RIMS1: variants seen among roughly 807,000 people sequenced by gnomAD.
RIMS1 encodes the protein regulating synaptic membrane exocytosis protein 1.
In RIMS1, 83 loss-of-function variants were observed where a neutral mutation model predicts 214.1. The ratio of observed to expected loss-of-function variants is 0.39; its 90% confidence interval spans 0.32 to 0.47. The LOEUF (loss-of-function observed/expected upper bound fraction) is 0.47. Ranked by LOEUF, RIMS1 falls within the 20% of genes least tolerant of loss-of-function variation. The pLI is 0.99. For missense variants in RIMS1, 2,050 were observed against 2,161.8 expected, an observed-to-expected ratio of 0.95 and a Z score of 1.03; for synonymous variants, 793 against 786.8, an observed-to-expected ratio of 1.01 and a Z score of -0.13.
intron 1 of RIMS1, among the ~76,000 whole-genome samples, chr6:71,957,618 T>G (rs1791664975): frequency 6.6e-6 from 1 of 150,476 alleles, no homozygotes; most frequent in African/African-American, 2.5e-5. Context: ...CCAGGGTTAA[T>G]TAGAACTCTG....
intron 2 of RIMS1, among the ~76,000 whole-genome samples, chr6:72,083,697 G>A (rs1833965823): frequency 6.6e-6 from 1 of 152,116 alleles, no homozygotes; most frequent in African/African-American, 2.4e-5. Flanking sequence ...TATTTATTGA[G>A]CTTTTACCAT....
chr6:72,151,651 C>T (rs572548993), intron 4 of RIMS1, among the ~76,000 whole-genome samples: 1 of 152,040 alleles, frequency 6.6e-6, no homozygotes, highest in Non-Finnish European at 1.5e-5. Flanking sequence ...TTTTCTGTAA[C>T]CAAGAAAAGG....
intron 2 of RIMS1, among the ~76,000 whole-genome samples, chr6:72,044,518 A>G (rs1161050889): frequency 1.3e-5 from 2 of 151,858 alleles, no homozygotes; most frequent in East Asian, 1.9e-4. Flanking sequence ...TAACTAAATA[A>G]TAAGACAGCA....
At chr6:72,228,632 CA>C (rs1335130260) in intron 6 of RIMS1, among the ~76,000 whole-genome samples, 2 of 151,854 alleles carry the variant, frequency 1.3e-5, no homozygotes, top group Non-Finnish European at 2.9e-5. Flanking sequence ...CATGGGAATG[CA>C]GATATATCTT....
rs534143063 is a variant in RIMS1 at position 72,328,052 on chromosome 6, A to G, written c.4131-5548A>G. 3.3e-5 allele frequency among the ~76,000 whole-genome samples: 5 copies of G among 152,066 alleles called. No homozygotes were observed. In the South Asian group the frequency reaches 1.0e-3, roughly 32 times the overall value. On this transcript the variant is annotated intron_variant, in intron 28 of 33. Coordinates refer to ENST00000521978, the MANE Select transcript of RIMS1 (RefSeq NM_014989.7). ...TTCACAATAGCAAAGACTTGGAACC[A>G]ACCCAAATGCCAATCAGTGATAGAC...
chr6:71,911,184 G>T (rs935042196), intron 1 of RIMS1, among the ~76,000 whole-genome samples: 1 of 152,068 alleles, frequency 6.6e-6, no homozygotes, highest in Non-Finnish European at 1.5e-5. Context: ...AGATTCCATT[G>T]TTGGCTTATG....
In RIMS1 at chr6:72,121,318, T is replaced by C. The variant is rs922075496; in HGVS notation, c.471+21332T>C. Among the ~76,000 whole-genome samples, 4 of 151,998 alleles carry C rather than the reference T, an allele frequency of 2.6e-5. 1 individual carries two copies. The highest frequency in any genetic ancestry group is 6.8e-3 in the Middle Eastern group (2 of 294). ...GTTGTTCCATTTGTTTGTGTCCTCT[T>C]TTATTTCGTTGAGCAGTGGTTTGCA... is the stretch of plus-strand genomic sequence containing the variant. On this transcript the variant is annotated intron_variant, in intron 4 of 33. Transcript: ENST00000521978.
At chr6:71,912,772 A>G (rs1017635600) in intron 1 of RIMS1, among the ~76,000 whole-genome samples, 7 of 152,190 alleles carry the variant, frequency 4.6e-5, no homozygotes, top group African/African-American at 1.7e-4. Context: ...ATATTGCCCA[A>G]TAGAAAAATC....
At chr6:71,924,648 A>AAAAAAAAAAAAAAAG (rs1781028673) in intron 1 of RIMS1, among the ~76,000 whole-genome samples, 4 of 149,710 alleles carry the variant, frequency 2.7e-5, no homozygotes, top group African/African-American at 1.0e-4. Flanking sequence ...AAAAAAAAAA[A>AAAAAAAAAAAAAAAG]TGCAGAAAAT....
intron 2 of RIMS1, among the ~76,000 whole-genome samples, chr6:72,079,950 A>G (rs781459967): frequency 1.3e-4 from 20 of 151,730 alleles, no homozygotes; most frequent in Non-Finnish European, 2.2e-4. Context: ...TTAAAAAACA[A>G]AACGGGCTGA....
chr6:71,966,484 T>C (rs1203800866), intron 1 of RIMS1, among the ~76,000 whole-genome samples: 1 of 152,300 alleles, frequency 6.6e-6, no homozygotes, highest in Non-Finnish European at 1.5e-5. Context: ...TAGACAAGAA[T>C]TTTCTTACAA....
At chr6:72,036,379 A>C (rs938112073) in intron 2 of RIMS1, among the ~76,000 whole-genome samples, 10 of 152,134 alleles carry the variant, frequency 6.6e-5, no homozygotes. Flanking sequence ...TCTTCACAGA[A>C]CTGTTTGTAT....
chr6:72,196,945 GAC>G, intron 6 of RIMS1, among the ~76,000 whole-genome samples: 1 of 152,104 alleles, frequency 6.6e-6, no homozygotes, highest in Non-Finnish European at 1.5e-5. Flanking sequence ...AGTATTTGTT[GAC>G]ACACACTTTT....
intron 2 of RIMS1, among the ~76,000 whole-genome samples, chr6:72,092,817 C>G (rs1836661667): frequency 1.3e-5 from 2 of 152,036 alleles, no homozygotes; most frequent in South Asian, 4.1e-4. Flanking sequence ...CCAAGATCCC[C>G]CATGGAGAAA....
chr6:72,305,863 T>C (rs1323389517), intron 26 of RIMS1, among the ~76,000 whole-genome samples: 2 of 152,168 alleles, frequency 1.3e-5, no homozygotes, highest in Admixed American at 6.6e-5. Context: ...AGATTGGTTA[T>C]CTAATTTGCT....
rs201160302 is a variant in RIMS1 at position 72,251,443 on chromosome 6, TG to T, written c.2698+76del. Reference sequence around the variant, plus strand: ...CTAATTAGTGATTAATAATTCAAGATGTTTTTTTTAAATGTTTTATTAGAGA... The same window carrying T: ...CTAATTAGTGATTAATAATTCAAGATTTTTTTTTAAATGTTTTATTAGAGA... On this transcript the variant is annotated intron_variant, in intron 15 of 33. Coordinates refer to ENST00000521978, the MANE Select transcript of RIMS1 (RefSeq NM_014989.7). The T allele has an allele frequency of 6.6e-3, 7,962 of 1,206,476 alleles. 40 individuals are homozygous for T. The highest frequency in any genetic ancestry group is 0.028 in the Middle Eastern group (142 of 5,104). 74.7% of individuals were successfully genotyped at this position (1,206,476 alleles called of 1,614,324 possible). A position where few individuals can be genotyped will look rare whatever the true frequency, so the allele number is the denominator to read the frequency against.
At chr6:72,005,909 G>GAAGT (rs1807379780) in intron 2 of RIMS1, among the ~76,000 whole-genome samples, 1 of 152,184 alleles carries the variant, frequency 6.6e-6, no homozygotes, top group African/African-American at 2.4e-5. Context: ...TGGAAAGACT[G>GAAGT]AAGTCTTAGT....
chr6:71,916,743 T>A (rs1464711394), intron 1 of RIMS1, among the ~76,000 whole-genome samples: 1 of 152,198 alleles, frequency 6.6e-6, no homozygotes, highest in African/African-American at 2.4e-5. Context: ...ACTTGATTCA[T>A]AGGCAGACTT....
At chr6:71,988,268 A>G (rs1037061608) in intron 2 of RIMS1, among the ~76,000 whole-genome samples, 1 of 152,130 alleles carries the variant, frequency 6.6e-6, no homozygotes, top group Non-Finnish European at 1.5e-5. Context: ...CACCAGCTTT[A>G]CTGAGTCTGA....
Sources: allele counts gnomAD v4.1 joint callset (sites outside exome capture counted in the v4.1 genomes callset), GRCh38; gene constraint gnomAD v4.1.1; transcripts MANE v1.5; gene names NCBI Gene and HGNC (gene_info 2026-07-23, HGNC 2026-07-21).